IQSEC1: variants seen among roughly 807,000 people sequenced by gnomAD.
The protein encoded by IQSEC1 is IQ motif and SEC7 domain-containing protein 1.
Under a neutral mutation model 91.0 loss-of-function variants are expected in IQSEC1, and 31 were observed. That is an observed-to-expected ratio of 0.34 (90% confidence interval 0.26 to 0.46). The LOEUF (loss-of-function observed/expected upper bound fraction) is 0.46, where lower values mean the gene tolerates loss of function less well. Among genes scored for constraint, IQSEC1 ranks in the 20% least tolerant of loss-of-function variants. The probability of loss-of-function intolerance (pLI) is 1.00; values close to 1 mark genes in which losing one functional copy is unlikely to be tolerated. For synonymous variants in IQSEC1, 699 were observed against 662.6 expected (o/e 1.05, Z -0.84); for missense variants, 1,388 against 1,575.6 (o/e 0.88, Z 2.02).
Position 12,922,009 on chromosome 3 carries a change from T to C in IQSEC1, c.1853+111A>G, listed in dbSNP as rs1214503805. ...CCCCAAAGCAACATTCAGGGACACC[T>C]GGCCCTGTCTAGGGATGGTGGGGAT... On this transcript the variant is annotated intron_variant, in intron 5 of 13. Coordinates refer to ENST00000613206, the MANE Select transcript of IQSEC1 (RefSeq NM_001134382.3). This position sits in a 1 kb window ranked among gnomAD's most constrained non-coding sequence, Gnocchi z 5.1. 7.6e-7 allele frequency: 1 copy of C among 1,318,604 alleles called. No individual in the cohort carries two copies. Among genetic ancestry groups the C allele is most frequent in the African/African-American group, 1.5e-5 (1 of 66,442 alleles). The allele number at this position is 1,318,604 out of a possible 1,614,324, so 81.7% of individuals were successfully genotyped here.
At chr3:13,194,483 C>T (rs1694092286) in intron 1 of IQSEC1, among the ~76,000 whole-genome samples, 1 of 152,214 alleles carries the variant, frequency 6.6e-6, no homozygotes, top group Non-Finnish European at 1.5e-5. Flanking sequence ...GCCCACCGCT[C>T]TGTGATTCCT....
chr3:13,180,420 G>A (rs1345975983), intron 1 of IQSEC1, among the ~76,000 whole-genome samples: 1 of 152,102 alleles, frequency 6.6e-6, no homozygotes, highest in Non-Finnish European at 1.5e-5. Flanking sequence ...GAACCTTTAT[G>A]TCTAGCTCAC....
At chr3:13,232,817 G>A (rs1438389746) in intron 1 of IQSEC1, among the ~76,000 whole-genome samples, 1 of 152,224 alleles carries the variant, frequency 6.6e-6, no homozygotes, top group African/African-American at 2.4e-5. Context: ...ACCATGAAAT[G>A]GAAGGGAATT....
intron 1 of IQSEC1, among the ~76,000 whole-genome samples, chr3:12,972,036 AAC>A (rs1700926184): frequency 6.6e-6 from 1 of 151,348 alleles, no homozygotes; most frequent in African/African-American, 2.4e-5. Context: ...CAAACAAACA[AAC>A]AAACAAAAAC....
chr3:13,191,836 A>G (rs968859665), intron 1 of IQSEC1, among the ~76,000 whole-genome samples: 10 of 152,196 alleles, frequency 6.6e-5, no homozygotes, highest in African/African-American at 2.4e-4. Flanking sequence ...CTTACTTTGT[A>G]GCCTGGCTCA....
Position 12,941,731 on chromosome 3 carries a change from C to G in IQSEC1, c.158G>C (p.Gly53Ala). 1 of 1,612,420 alleles carries G rather than the reference C, an allele frequency of 6.2e-7. No individual in the cohort carries two copies. Among genetic ancestry groups the G allele is most frequent in the Non-Finnish European group, 8.5e-7 (1 of 1,179,978 alleles). ...TTGCCCCGGCGGCCCCGAGTACAGC[C>G]CATAGGCTCCCACTGACGTGTGCTC... ...HYEHTSVGAY[G>A]LYSGPPGQQQ... Residue 53 changes from glycine (G) to alanine (A), a missense_variant, in exon 2 of 14, where the codon GGG (glycine) becomes GCG (alanine). This residue lies in a region of IQSEC1 where 1,059 missense variants were observed against 1,317.8 expected (regional missense o/e 0.80). Transcript: ENST00000613206.
Position 12,967,517 on chromosome 3 carries a change from C to T in IQSEC1, c.24-25652G>A. 5.7e-6 allele frequency: 8 copies of T among 1,409,772 alleles called. No homozygotes were observed. The highest frequency in any genetic ancestry group is 7.3e-6 in the Non-Finnish European group (8 of 1,089,658). The allele number at this position is 1,409,772 out of a possible 1,614,324, so 87.3% of individuals were successfully genotyped here. On this transcript the variant is annotated intron_variant, in intron 1 of 13. Transcript: ENST00000613206. The surrounding 1 kb of genome is among the most constrained non-coding windows in gnomAD (Gnocchi z 5.9). ...CCAGGCCCAGCAGAGGCCGCCGACTCCCGCCAGCGAGCCGCCGGATCCCGG... is the reference window on the plus strand; with the variant it reads ...CCAGGCCCAGCAGAGGCCGCCGACTTCCGCCAGCGAGCCGCCGGATCCCGG...
chr3:13,232,588 G>C (rs1457723781), intron 1 of IQSEC1, among the ~76,000 whole-genome samples: 1 of 152,190 alleles, frequency 6.6e-6, no homozygotes, highest in African/African-American at 2.4e-5. Context: ...GGGGAGAGAG[G>C]GCAGGGGGCA....
Position 13,240,243 on chromosome 3 carries a change from C to T in IQSEC1, c.272+42468G>A, listed in dbSNP as rs535581450. On this transcript the variant is annotated intron_variant, in intron 1 of 15. Transcript: ENST00000648114. Reference sequence around the variant, plus strand: ...AAAATTTAAAAAATTAAAAATTAGCCAGGTGAGGTGGTATGTGCCTACAGT... The same window carrying T: ...AAAATTTAAAAAATTAAAAATTAGCTAGGTGAGGTGGTATGTGCCTACAGT... Among the ~76,000 whole-genome samples, 61 of 152,078 alleles carry T rather than the reference C, an allele frequency of 4.0e-4. No individual in the cohort carries two copies. The South Asian group carries it at 6.4e-3, about 16-fold the overall frequency.
chr3:12,909,183 G>C lies in IQSEC1; in HGVS notation c.2578+90C>G. ...AAAGACTGGGGGACATCTTGTCTCT[G>C]TGAGCTCAGAAGTCACTGCCCTGAC... On this transcript the variant is annotated intron_variant, in intron 11 of 13. Coordinates refer to ENST00000613206, the MANE Select transcript of IQSEC1 (RefSeq NM_001134382.3). This position sits in a 1 kb window ranked among gnomAD's most constrained non-coding sequence, Gnocchi z 4.9. The C allele has an allele frequency of 2.9e-6, 4 of 1,357,054 alleles. No homozygotes were observed. Among genetic ancestry groups the C allele is most frequent in the Non-Finnish European group, 4.1e-6 (4 of 969,566 alleles). The allele number at this position is 1,357,054 out of a possible 1,614,324, so 84.1% of individuals were successfully genotyped here.
In IQSEC1 at chr3:12,902,817, G is replaced by A. The variant is rs1294863415; in HGVS notation, c.2761C>T (p.Arg921Ter). 1.9e-6 allele frequency: 3 copies of A among 1,612,670 alleles called. No individual in the cohort carries two copies. The highest frequency in any genetic ancestry group is 2.5e-6 in the Non-Finnish European group (3 of 1,178,898). The change falls in exon 13 of 14, where the codon CGA becomes TGA. Residue 921 changes from arginine to a stop codon, truncating the protein, a stop_gained. Transcript: ENST00000613206. LOFTEE classifies it low-confidence loss of function (END_TRUNC). ...SLRDLSEAGK[R>*]GRRSSAGSLE... is the part of the protein sequence containing the mutation. ...GATCCCGCACTGCTGCGACGCCCTC[G>A]CTTCCCTGCCCAGAACATGCAATAC... is the stretch of plus-strand genomic sequence containing the variant.
chr3:12,920,788 G>A (rs1325740662), intron 5 of IQSEC1, among the ~76,000 whole-genome samples, 192 bp from the exon 6 acceptor site: 1 of 152,180 alleles, frequency 6.6e-6, no homozygotes, highest in Admixed American at 6.5e-5. Context: ...CCTCCTACCT[G>A]GATTTTAGCC....
chr3:13,001,147 G>A (rs1013123783), intron 1 of IQSEC1, among the ~76,000 whole-genome samples: 1 of 151,838 alleles, frequency 6.6e-6, no homozygotes, highest in Non-Finnish European at 1.5e-5. Context: ...TTTTAGTAGA[G>A]ATGGGGTTTC....
chr3:12,906,505 CA>C (rs1398816956), intron 12 of IQSEC1, among the ~76,000 whole-genome samples: 1 of 152,246 alleles, frequency 6.6e-6, no homozygotes, highest in Non-Finnish European at 1.5e-5. Flanking sequence ...GCTTCACCCC[CA>C]AACCTTTCGG....
At chr3:13,182,276 T>G (rs1244771778) in intron 1 of IQSEC1, among the ~76,000 whole-genome samples, 2 of 152,226 alleles carry the variant, frequency 1.3e-5, no homozygotes, top group African/African-American at 4.8e-5. Context: ...GATGCTCCCA[T>G]CTGTGAGCAT....
exon 1 of IQSEC1, among the ~76,000 whole-genome samples, chr3:13,283,094 G>A (rs1307543290): frequency 6.9e-6 from 1 of 144,118 alleles, no homozygotes; most frequent in South Asian, 2.1e-4. Context: ...CGGGGCTGCC[G>A]CGGCCCCGCC....
intron 1 of IQSEC1, among the ~76,000 whole-genome samples, chr3:12,946,913 C>T (rs1210168932): frequency 6.6e-6 from 1 of 152,250 alleles, no homozygotes; most frequent in Non-Finnish European, 1.5e-5. Context: ...CCACTCCTCC[C>T]TGGCAGACAT....
chr3:12,938,764 T>G (rs1468867946), intron 2 of IQSEC1, among the ~76,000 whole-genome samples: 2 of 152,158 alleles, frequency 1.3e-5, no homozygotes, highest in African/African-American at 4.8e-5. Context: ...TCTCACCTGC[T>G]GGCTCCGGAC....
chr3:12,923,810 G>A (rs1696857006), intron 4 of IQSEC1, among the ~76,000 whole-genome samples: 4 of 152,372 alleles, frequency 2.6e-5, no homozygotes, highest in South Asian at 4.1e-4. Context: ...GGCTGCACAT[G>A]GGCAGGGCTG....
Sources: gnomAD v4.1 joint callset for allele counts (sites outside exome capture counted in the v4.1 genomes callset) on GRCh38, gnomAD v4.1.1 for gene constraint, gnomAD v4.1.1 regional missense constraint, Gnocchi (gnomAD v3.1) non-coding constraint, MANE v1.5 for transcripts, NCBI Gene and HGNC (gene_info 2026-07-23, HGNC 2026-07-21) for gene names.